The following KAZN variants were observed in gnomAD, a reference collection of about 807,000 sequenced individuals.
The protein encoded by KAZN is kazrin.
A neutral mutation model predicts 87.4 loss-of-function variants in KAZN; 40 were observed. The ratio of observed to expected loss-of-function variants is 0.46; its 90% CI spans 0.36 to 0.60. The LOEUF (loss-of-function observed/expected upper bound fraction) is 0.60. Among genes scored for constraint, KAZN ranks in the 20% least tolerant of loss-of-function variants. KAZN has a pLI of 0.00. For synonymous variants in KAZN, 466 were observed against 458.3 expected, an observed-to-expected ratio of 1.02 and a Z score of -0.22; for missense variants, 898 against 1,073.9, an observed-to-expected ratio of 0.84 and a Z score of 2.29.
intron 1 of KAZN, among the ~76,000 whole-genome samples, chr1:14,727,454 T>C (rs1471764076): frequency 1.2e-3 from 14 of 11,354 alleles, no homozygotes; most frequent in Admixed American, 5.7e-3. Context: ...CACTTTCTTT[T>C]TTTTTTTTTT....
intron 2 of KAZN, among the ~76,000 whole-genome samples, chr1:14,993,710 C>G (rs931017462): frequency 6.6e-6 from 1 of 152,198 alleles, no homozygotes; most frequent in Non-Finnish European, 1.5e-5. Context: ...CTGGGCACTT[C>G]TGAGCCCAGG....
At chr1:14,697,465 T>G (rs1305621795) in intron 1 of KAZN, among the ~76,000 whole-genome samples, 4 of 152,244 alleles carry the variant, frequency 2.6e-5, no homozygotes, top group African/African-American at 9.6e-5. Flanking sequence ...TTATTTTTAA[T>G]CATCTCTGTT....
chr1:14,365,971 A>G (rs915314351), intron 2 of KAZN, among the ~76,000 whole-genome samples: 1 of 152,222 alleles, frequency 6.6e-6, no homozygotes, highest in Non-Finnish European at 1.5e-5. Context: ...CCTGGAGGCC[A>G]CAGTTATTAT....
chr1:14,183,365 C>T (rs369335305), intron 2 of KAZN, among the ~76,000 whole-genome samples: 15 of 152,244 alleles, frequency 9.9e-5, no homozygotes, highest in East Asian at 1.9e-4. Flanking sequence ...CCAGAAAGCC[C>T]GCAATTAGGT....
intron 1 of KAZN, among the ~76,000 whole-genome samples, chr1:14,114,063 G>A (rs79298601): frequency 1.3e-5 from 2 of 152,208 alleles, no homozygotes; most frequent in African/African-American, 4.8e-5. Flanking sequence ...AGTCCTCCAA[G>A]GCCTTGCAGT....
chr1:14,947,864 C>T (rs1662015537), intron 1 of KAZN, among the ~76,000 whole-genome samples: 1 of 152,196 alleles, frequency 6.6e-6, no homozygotes, highest in Non-Finnish European at 1.5e-5. Flanking sequence ...AAGACCCCTC[C>T]AGATGGGGGA....
chr1:14,153,410 A>T (rs1485969139), intron 1 of KAZN, among the ~76,000 whole-genome samples: 1 of 152,080 alleles, frequency 6.6e-6, no homozygotes, highest in Non-Finnish European at 1.5e-5. Context: ...ATTCTTTCGC[A>T]TTTGGATATC....
chr1:13,948,601 G>A (rs965951214), intron 1 of KAZN, among the ~76,000 whole-genome samples: 1 of 152,168 alleles, frequency 6.6e-6, no homozygotes, highest in Non-Finnish European at 1.5e-5. Flanking sequence ...GCAGTGGAGA[G>A]GCTTCTGCAG....
chr1:14,228,185 GTAATGATGACTA>G (rs1647468690), intron 2 of KAZN, among the ~76,000 whole-genome samples: 1 of 152,068 alleles, frequency 6.6e-6, no homozygotes, highest in Non-Finnish European at 1.5e-5. Context: ...GTTGATATTG[GTAATGATGACTA>G]TAATGATGAT....
chr1:14,963,902 T>C lies in KAZN; in HGVS notation c.418+3027T>C, dbSNP rs1664167972. Among the ~76,000 whole-genome samples the C allele has an allele frequency of 2.0e-5, 3 of 152,204 alleles. No individual in the cohort carries two copies. The South Asian group carries it at 6.2e-4, about 32-fold the overall frequency. ...TGGTGTTTGGTTTTCTGTTCCTGTG[T>C]TAGTTTGCTGAGAATGATGGTTTCT... On this transcript the variant is annotated intron_variant, in intron 2 of 14. Transcript: ENST00000376030.
At chr1:14,972,204 G>A (rs898251393) in intron 2 of KAZN, among the ~76,000 whole-genome samples, 1 of 152,170 alleles carries the variant, frequency 6.6e-6, no homozygotes, top group Non-Finnish European at 1.5e-5. Flanking sequence ...CCATCACTGT[G>A]CAGGTCTTCA....
At chr1:14,136,014 C>T (rs77084737) in intron 1 of KAZN, among the ~76,000 whole-genome samples, 3,027 of 152,104 alleles carry the variant, frequency 0.02, 104 homozygotes, top group African/African-American at 0.068. Context: ...GTTACTGGCT[C>T]CCAAGCAGTG....
chr1:14,092,099 T>C lies in KAZN; in HGVS notation c.92-88336T>C, dbSNP rs190020770. Among the ~76,000 whole-genome samples the C allele has an allele frequency of 5.4e-5, 8 of 148,378 alleles. No individual in the cohort carries two copies. The East Asian group carries it at 1.6e-3, about 29-fold the overall frequency. ...ACTTTATTATTTTCTTTTCTTTTTT[T>C]TTTTTTTTTTTGAGACAGTCTTGCT... On this transcript the variant is annotated intron_variant, in intron 1 of 16. Transcript: ENST00000636203.
chr1:14,170,952 TCCAC>T (rs879648707), intron 1 of KAZN, among the ~76,000 whole-genome samples: 1 of 152,206 alleles, frequency 6.6e-6, no homozygotes, highest in Non-Finnish European at 1.5e-5. Flanking sequence ...GACCTCGTGA[TCCAC>T]CCATCTCAGC....
intron 1 of KAZN, among the ~76,000 whole-genome samples, chr1:14,616,755 C>T (rs149965822): frequency 3.3e-5 from 5 of 152,308 alleles, no homozygotes; most frequent in East Asian, 1.9e-4. Context: ...GCATGAAATA[C>T]GAAGCTCAGC....
In KAZN at chr1:15,031,205, G is replaced by A. The variant is rs529451192; in HGVS notation, c.419-3544G>A. Among the ~76,000 whole-genome samples, 108 of 152,322 alleles carry A rather than the reference G, an allele frequency of 7.1e-4. 4 individuals are homozygous for A. The South Asian group carries it at 0.022, about 31-fold the overall frequency. Reference sequence around the variant, plus strand: ...GCAGCAGAACATAGGGTCGGGTGTCGACTTTGGGGTCAGACATGGCTGCGT... The same window carrying A: ...GCAGCAGAACATAGGGTCGGGTGTCAACTTTGGGGTCAGACATGGCTGCGT... On this transcript the variant is annotated intron_variant, in intron 2 of 14. Coordinates refer to ENST00000376030, the MANE Select transcript of KAZN (RefSeq NM_201628.3).
intron 1 of KAZN, among the ~76,000 whole-genome samples, chr1:14,958,689 T>C (rs1345778629): frequency 6.6e-6 from 1 of 152,172 alleles, no homozygotes; most frequent in African/African-American, 2.4e-5. Context: ...GCGAGGACTG[T>C]GCACCAGACC....
intron 2 of KAZN, among the ~76,000 whole-genome samples, chr1:14,315,804 A>G (rs1655614145): frequency 6.6e-6 from 1 of 152,054 alleles, no homozygotes; most frequent in African/African-American, 2.4e-5. Context: ...TCACCTGGTA[A>G]TTAATATTAG....
At chr1:14,891,873 T>A (rs1401912572) in intron 1 of KAZN, among the ~76,000 whole-genome samples, 1 of 152,168 alleles carries the variant, frequency 6.6e-6, no homozygotes, top group African/African-American at 2.4e-5. Context: ...ATTTCCATGG[T>A]TGGGGGTGGG....
Sources: allele counts gnomAD v4.1 joint callset (sites outside exome capture counted in the v4.1 genomes callset), GRCh38; gene constraint gnomAD v4.1.1; transcripts MANE v1.5; gene names NCBI Gene and HGNC (gene_info 2026-07-23, HGNC 2026-07-21).